The following RANGAP1 variants were observed in gnomAD, a reference collection of about 807,000 sequenced individuals.
RANGAP1 encodes the protein ran GTPase-activating protein 1.
RANGAP1 carries 38 observed loss-of-function variants against 63.5 expected under a neutral mutation model. The observed-to-expected ratio is 0.60, with a 90% CI of 0.46 to 0.78. The LOEUF is 0.78. Among genes scored for constraint, RANGAP1 ranks in the 30% least tolerant of loss-of-function variants. The pLI, the probability that RANGAP1 is intolerant of heterozygous loss-of-function variation, is 0.00. For missense variants in RANGAP1, 630 were observed against 740.3 expected (o/e 0.85, Z 1.73); for synonymous variants, 329 against 310.5 (o/e 1.06, Z -0.63).
intron 3 of RANGAP1, among the ~76,000 whole-genome samples, chr22:41,270,815 T>C (rs2034767350): frequency 1.3e-5 from 2 of 152,230 alleles, no homozygotes. Context: ...TGCTTAGTAG[T>C]TCCACCTGCA....
rs980467352 is a variant in RANGAP1 at position 41,245,930 on chromosome 22, C to A, written c.*673G>T. ...AGGCCCACTAGGTCCGGGGCCAGCG[C>A]AGTCCCAGCAGCTCCTGCTCCTGGA... is the stretch of plus-strand genomic sequence containing the variant. On this transcript the variant is annotated 3_prime_UTR_variant, in exon 16 of 16. Coordinates refer to ENST00000356244, the MANE Select transcript of RANGAP1 (RefSeq NM_002883.4). 38 of 152,670 alleles carry A rather than the reference C, an allele frequency of 2.5e-4. No individual in the cohort carries two copies. The highest frequency in any genetic ancestry group is 5.6e-4 in the Non-Finnish European group (38 of 68,442). The allele number at this position is 152,670 out of a possible 1,614,324, so 9.5% of individuals were successfully genotyped here.
At position 41,254,441 on chromosome 22, in the gene RANGAP1, GCTTCCTCTT is replaced by G. The variant is rs1022380089; in HGVS notation, c.1118_1126del (p.Glu373_Glu375del). On this transcript the variant is annotated inframe_deletion, in exon 11 of 16. Coordinates refer to ENST00000356244, the MANE Select transcript of RANGAP1 (RefSeq NM_002883.4). ...CTCATCTTCCTCCTCCTCTTCTTCT[GCTTCCTCTT>G]CTTCCTCTTCTCCTTCCTCCTCCTC... The G allele has an allele frequency of 6.8e-6, 11 of 1,609,990 alleles. No individual in the cohort carries two copies. The African/African-American group carries it at 9.4e-5, about 14-fold the overall frequency.
chr22:41,268,820 C>T (rs938993153), intron 3 of RANGAP1, among the ~76,000 whole-genome samples: 9 of 151,760 alleles, frequency 5.9e-5, no homozygotes, highest in African/African-American at 2.2e-4. Context: ...TTTGGGAGGC[C>T]GAGGCGGGCA....
At chr22:41,266,658 T>C (rs2034493679) in intron 4 of RANGAP1, among the ~76,000 whole-genome samples, 1 of 152,086 alleles carries the variant, frequency 6.6e-6, no homozygotes, top group Non-Finnish European at 1.5e-5. Context: ...CTCAGCATCC[T>C]GAGTAGCTGG....
At chr22:41,248,946 C>T (rs750973075) in intron 15 of RANGAP1, among the ~76,000 whole-genome samples, 22 of 152,340 alleles carry the variant, frequency 1.4e-4, no homozygotes, top group Non-Finnish European at 1.9e-4. Flanking sequence ...AAAGCCACTC[C>T]GGAGATGTCA....
At chr22:41,267,684 G>A (rs2034562060) in intron 4 of RANGAP1, among the ~76,000 whole-genome samples, 1 of 152,178 alleles carries the variant, frequency 6.6e-6, no homozygotes, top group Non-Finnish European at 1.5e-5. Context: ...AAAGGGAGGA[G>A]CCAGAGAAAG....
chr22:41,296,946 C>T, the RANGAP1 span, among the ~76,000 whole-genome samples: 1 of 152,232 alleles, frequency 6.6e-6, no homozygotes. Flanking sequence ...CGCAGTGGCT[C>T]AGGCCTATAA....
intron 2 of RANGAP1, 77 bp from the exon 3 acceptor site, chr22:41,274,804 C>T: frequency 7.0e-6 from 11 of 1,573,076 alleles, no homozygotes; most frequent in Non-Finnish European, 9.5e-6. Context: ...TTGGCAACCA[C>T]CTTGCCACTC....
At chr22:41,289,036 C>T (rs2035806400), upstream of RANGAP1, among the ~76,000 whole-genome samples, 1 of 149,310 alleles carries the variant, frequency 6.7e-6, no homozygotes, top group South Asian at 2.1e-4. Context: ...GATTCTTCTG[C>T]CTCAGCCTCC....
At chr22:41,253,405 T>C (rs999814728) in intron 11 of RANGAP1, among the ~76,000 whole-genome samples, 29 of 152,204 alleles carry the variant, frequency 1.9e-4, no homozygotes, top group Admixed American at 1.8e-3. Context: ...GAGGCGAACC[T>C]AGCCATTTGT....
chr22:41,273,618 T>A (rs1267255123), intron 3 of RANGAP1, among the ~76,000 whole-genome samples: 4 of 141,808 alleles, frequency 2.8e-5, no homozygotes, highest in Non-Finnish European at 6.2e-5. Flanking sequence ...ATACAAAAAA[T>A]TAGCTGGGCA....
intron 6 of RANGAP1, 98 bp from the exon 7 acceptor site, chr22:41,258,204 G>C: frequency 1.5e-6 from 2 of 1,376,308 alleles, no homozygotes; most frequent in East Asian, 2.5e-5. Flanking sequence ...GGAATGGGCT[G>C]CCGCCAGCAC....
At chr22:41,249,308 A>G in intron 15 of RANGAP1, 22 bp downstream of exon 15, 1 of 1,572,354 alleles carries the variant, frequency 6.4e-7, no homozygotes, top group East Asian at 2.3e-5. Context: ...AGGCACCGGC[A>G]GAAGGACAAG....
At chr22:41,260,604 T>C (rs1277922962) in intron 6 of RANGAP1, among the ~76,000 whole-genome samples, 5 of 152,114 alleles carry the variant, frequency 3.3e-5, no homozygotes, top group Non-Finnish European at 5.9e-5. Context: ...TCCCAGCACT[T>C]TGGGAGGCCC....
intron 3 of RANGAP1, 71 bp from the exon 4 acceptor site, chr22:41,268,227 G>T: frequency 7.8e-7 from 1 of 1,287,792 alleles, no homozygotes; most frequent in Non-Finnish European, 1.1e-6. Context: ...CCTCATCCTG[G>T]TGGATTTGAA....
At chr22:41,248,890 G>C (rs1483135888) in intron 15 of RANGAP1, among the ~76,000 whole-genome samples, 1 of 152,226 alleles carries the variant, frequency 6.6e-6, no homozygotes, top group Non-Finnish European at 1.5e-5. Flanking sequence ...TGCAGAGCCT[G>C]GTGTGACCAG....
the RANGAP1 span, among the ~76,000 whole-genome samples, chr22:41,293,904 G>A: frequency 6.6e-6 from 1 of 151,844 alleles, no homozygotes; most frequent in Non-Finnish European, 1.5e-5. Flanking sequence ...ATCAAGCAAT[G>A]CTCCTGCCTC....
intron 1 of RANGAP1, chr22:41,285,733 T>C: frequency 2.1e-6 from 2 of 961,460 alleles, no homozygotes. Context: ...GAGACGCCAC[T>C]GCTAGCAGCT....
rs112266065 is a variant in RANGAP1, at chr22:41,253,499, C to T, written c.1261-508G>A. Among the ~76,000 whole-genome samples the T allele has an allele frequency of 4.1e-3, 632 of 152,312 alleles. 1 individual carries two copies. Among genetic ancestry groups the T allele is most frequent in the Middle Eastern group, 0.041 (12 of 294 alleles). On this transcript the variant is annotated intron_variant, in intron 11 of 15. Transcript: ENST00000356244. Reference sequence around the variant, plus strand: ...TGTCCAGAGCCAAGTTCTCCAGGAGCTTTACTTAGGAACCTGACAGGGAAT... The same window carrying T: ...TGTCCAGAGCCAAGTTCTCCAGGAGTTTTACTTAGGAACCTGACAGGGAAT...
Sources: allele counts gnomAD v4.1 joint callset (sites outside exome capture counted in the v4.1 genomes callset), GRCh38; gene constraint gnomAD v4.1.1; transcripts MANE v1.5; gene names NCBI Gene and HGNC (gene_info 2026-07-23, HGNC 2026-07-21).